Variants in SAAL1 observed in about 807,000 individuals in gnomAD.
SAAL1 encodes serum amyloid A like 1, also known as protein SAAL1.
A neutral mutation model predicts 59.8 loss-of-function variants in SAAL1; 42 were observed. The observed-to-expected ratio is 0.70, with a 90% CI of 0.55 to 0.91. SAAL1 has a LOEUF of 0.91. Among genes scored for constraint, SAAL1 ranks in the 40% least tolerant of loss-of-function variants. The pLI, the probability that SAAL1 is intolerant of heterozygous loss-of-function variation, is 0.00. For missense variants in SAAL1, 542 were observed against 561.1 expected, an observed-to-expected ratio of 0.97 and a Z score of 0.34; for synonymous variants, 191 against 194.3, an observed-to-expected ratio of 0.98 and a Z score of 0.14.
chr11:18,103,009 T>C (rs1470795023), intron 2 of SAAL1, among the ~76,000 whole-genome samples: 1 of 152,176 alleles, frequency 6.6e-6, no homozygotes, highest in Non-Finnish European at 1.5e-5. Flanking sequence ...TCATAAGAGC[T>C]ACGTATTTAG....
intron 7 of SAAL1, among the ~76,000 whole-genome samples, chr11:18,088,870 T>A (rs1208637997): frequency 6.6e-6 from 1 of 152,192 alleles, no homozygotes; most frequent in Non-Finnish European, 1.5e-5. Flanking sequence ...AAAATTAATT[T>A]TCTAGTGATT....
At chr11:18,080,763 G>A (rs918382022) in intron 11 of SAAL1, among the ~76,000 whole-genome samples, 3 of 152,022 alleles carry the variant, frequency 2.0e-5, no homozygotes, top group Admixed American at 2.0e-4. Flanking sequence ...TCATTTTCCT[G>A]AAAAAGTTCC....
At position 18,080,425 on chromosome 11, in the gene SAAL1, A is replaced by C. The variant is rs200219042; in HGVS notation, c.1399T>G (p.Phe467Val). The C allele has an allele frequency of 1.1e-4, 179 of 1,597,566 alleles. 1 individual carries two copies. The highest frequency in any genetic ancestry group is 1.4e-4 in the Non-Finnish European group (162 of 1,175,884). The change falls in exon 12 of 12, where the codon TTC becomes GTC. Residue 467 changes from phenylalanine to valine, a missense_variant. Coordinates refer to ENST00000524803, the MANE Select transcript of SAAL1 (RefSeq NM_138421.3). ...KALADDLEKN[F>V]PSLKVQT ...TAAGTCTGAACCTTCAAACTTGGGA[A>C]GTTTTTTTCCAAGTCATCAGCAAGC...
At chr11:18,087,895 TTATACTC>T (rs1277494527) in intron 7 of SAAL1, among the ~76,000 whole-genome samples, 4 of 152,156 alleles carry the variant, frequency 2.6e-5, no homozygotes, top group Non-Finnish European at 5.9e-5. Flanking sequence ...TTCATAAACT[TTATACTC>T]TAAAAGGAAA....
At chr11:18,103,918 G>T (rs1278127064) in intron 1 of SAAL1, among the ~76,000 whole-genome samples, 2 of 152,074 alleles carry the variant, frequency 1.3e-5, no homozygotes, top group African/African-American at 2.4e-5. Flanking sequence ...TTTATTCCTT[G>T]ATTTAACACA....
intron 9 of SAAL1, among the ~76,000 whole-genome samples, chr11:18,086,276 C>A (rs1342034594): frequency 6.6e-6 from 1 of 152,100 alleles, no homozygotes; most frequent in Non-Finnish European, 1.5e-5. Context: ...GCGTCATGTG[C>A]CTGTAGTCCC....
At chr11:18,085,244 T>C (rs1438619985) in intron 9 of SAAL1, among the ~76,000 whole-genome samples, 2 of 152,116 alleles carry the variant, frequency 1.3e-5, no homozygotes, top group South Asian at 2.1e-4. Context: ...ATAAAATATA[T>C]CTAACTTAAG....
chr11:18,093,251 A>C (rs1848540701), intron 3 of SAAL1, among the ~76,000 whole-genome samples: 1 of 152,192 alleles, frequency 6.6e-6, no homozygotes. Context: ...GGATATGCCA[A>C]GGAGCCGCCA....
intron 6 of SAAL1, 138 bp from the exon 7 acceptor site, chr11:18,089,648 T>G: frequency 3.0e-6 from 2 of 668,796 alleles, no homozygotes; most frequent in Non-Finnish European, 4.8e-6. Context: ...TTTACTTATC[T>G]TTTATGTTTA....
Position 18,080,477 on chromosome 11 carries a change from A to C in SAAL1, c.1347T>G (p.Ile449Met). 1 of 1,580,880 alleles carries C rather than the reference A, an allele frequency of 6.3e-7. No individual in the cohort carries two copies. The highest frequency in any genetic ancestry group is 8.5e-7 in the Non-Finnish European group (1 of 1,171,320). The change falls in exon 12 of 12, where the codon ATT becomes ATG. Residue 449 changes from isoleucine to methionine, a missense_variant. By Grantham distance (10) the Ile-to-Met change is conservative. Transcript: ENST00000524803. ...CCTTATCAACTTCACGTAGGATTTT[A>C]ATAAAATCTTCCACCTGTGAGTCAA... Reference protein sequence around the residue: ...PFYSPVVEDFIKILREVDKAL... With the variant: ...PFYSPVVEDFMKILREVDKAL...
At position 18,087,003 on chromosome 11, in the gene SAAL1, A is replaced by C; in HGVS notation, c.905T>G (p.Val302Gly). ...ATCAGACTGGCAGAATTCATGGCAG[A>C]CCAGGTCAAAAAGTAAATTCCAAAT... ...KDIWNLLFDL[V>G]CHEFCQSDDP... Residue 302 changes from valine (V) to glycine (G), a missense_variant, in exon 9 of 12, where the codon GTC becomes GGC. Val to Gly is a moderately radical substitution (Grantham distance 109, BLOSUM62 -3). Transcript: ENST00000524803. 6.2e-7 allele frequency: 1 copy of C among 1,614,092 alleles called. No individual in the cohort carries two copies. Among genetic ancestry groups the C allele is most frequent in the Non-Finnish European group, 8.5e-7 (1 of 1,179,932 alleles).
At chr11:18,093,601 T>G (rs1025596969) in intron 3 of SAAL1, among the ~76,000 whole-genome samples, 5 of 152,224 alleles carry the variant, frequency 3.3e-5, no homozygotes, top group Admixed American at 1.3e-4. Flanking sequence ...CTAAGCATTT[T>G]CTGTGTATAA....
At chr11:18,097,826 C>G (rs11024481) in intron 2 of SAAL1, among the ~76,000 whole-genome samples, 3,444 of 131,712 alleles carry the variant, frequency 0.026, 153 homozygotes, top group African/African-American at 0.1. Flanking sequence ...GGCAACACAG[C>G]GAGAAAAAAA....
At chr11:18,099,436 A>T (rs1467370851) in intron 2 of SAAL1, among the ~76,000 whole-genome samples, 1 of 152,248 alleles carries the variant, frequency 6.6e-6, no homozygotes, top group Admixed American at 6.5e-5. Flanking sequence ...TGGAATTTTC[A>T]TTCTAAAGAA....
chr11:18,094,648 C>A (rs892537399), intron 3 of SAAL1, among the ~76,000 whole-genome samples: 1 of 151,770 alleles, frequency 6.6e-6, no homozygotes, highest in Non-Finnish European at 1.5e-5. Flanking sequence ...AGTCCATATT[C>A]GGGACAGTAT....
At chr11:18,103,152 G>T in intron 2 of SAAL1, 81 bp downstream of exon 2, 2 of 921,088 alleles carry the variant, frequency 2.2e-6, no homozygotes, top group South Asian at 1.3e-5. Context: ...TCCCCAGAGT[G>T]AAGGACTGAA....
chr11:18,082,312 C>T (rs541013681), intron 10 of SAAL1, among the ~76,000 whole-genome samples: 15 of 152,184 alleles, frequency 9.9e-5, no homozygotes, highest in African/African-American at 3.4e-4. Flanking sequence ...AATTAACATA[C>T]GACATCCAAA....
chr11:18,090,060 T>A lies in SAAL1; in HGVS notation c.589+115A>T, dbSNP rs538551595. The A allele has an allele frequency of 2.5e-5, 25 of 982,970 alleles. No individual in the cohort carries two copies. In the South Asian group the frequency reaches 4.6e-4, roughly 18 times the overall value. 60.9% of individuals were successfully genotyped at this position (982,970 alleles called of 1,614,324 possible). On this transcript the variant is annotated intron_variant, in intron 6 of 11. Coordinates refer to ENST00000524803, the MANE Select transcript of SAAL1 (RefSeq NM_138421.3). ...AAGATTCTGTCTCAAACAAACTTCA[T>A]TACCTTGCACTCAAGGCTTTTTTTA... is the stretch of plus-strand genomic sequence containing the variant.
chr11:18,091,943 T>G (rs1412187517), intron 4 of SAAL1, among the ~76,000 whole-genome samples: 3 of 152,214 alleles, frequency 2.0e-5, no homozygotes, highest in Non-Finnish European at 2.9e-5. Context: ...TGTTTTGGAT[T>G]CCAGTTGGCT....
Sources: gnomAD v4.1 joint callset for allele counts (sites outside exome capture counted in the v4.1 genomes callset) on GRCh38, gnomAD v4.1.1 for gene constraint, MANE v1.5 for transcripts, NCBI Gene and HGNC (gene_info 2026-07-23, HGNC 2026-07-21) for gene names.